Variants in ZNF227 observed in about 807,000 individuals in gnomAD.
The protein encoded by ZNF227 is zinc finger protein 227.
Under a neutral mutation model 13.2 loss-of-function variants are expected in ZNF227, and 12 were observed. The observed-to-expected ratio is 0.91, with a 90% CI of 0.58 to 1.47. The LOEUF (loss-of-function observed/expected upper bound fraction) is 1.47, where lower values mean the gene tolerates loss of function less well. ZNF227 is among the 40% of genes most tolerant of loss of function. The pLI is 0.00. For synonymous variants in ZNF227, 338 were observed against 326.0 expected, an observed-to-expected ratio of 1.04 and a Z score of -0.40; for missense variants, 885 against 967.5, an observed-to-expected ratio of 0.91 and a Z score of 1.13.
chr19:44,226,300 G>C (rs935805729), intron 3 of ZNF227, among the ~76,000 whole-genome samples: 2 of 152,226 alleles, frequency 1.3e-5, no homozygotes, highest in Non-Finnish European at 2.9e-5. Flanking sequence ...CCACTACTCT[G>C]TTCAAAGCTG....
chr19:44,232,664 GTTTT>G (rs1234651990), intron 5 of ZNF227, among the ~76,000 whole-genome samples: 1 of 150,094 alleles, frequency 6.7e-6, no homozygotes, highest in Non-Finnish European at 1.5e-5. Context: ...TAAATTGCTT[GTTTT>G]TTTGTTTTTT....
intron 5 of ZNF227, among the ~76,000 whole-genome samples, chr19:44,231,701 C>A (rs1299718469): frequency 3.3e-5 from 5 of 152,180 alleles, no homozygotes; most frequent in Non-Finnish European, 1.5e-5. Context: ...ATATCACATC[C>A]CTTTTACTCA....
At chr19:44,230,951 A>ATATCTATATCTATATATATATATATC (rs1568610093) in intron 5 of ZNF227, among the ~76,000 whole-genome samples, 12 of 132,710 alleles carry the variant, frequency 9.0e-5, no homozygotes, top group African/African-American at 3.8e-4. Context: ...ATATATATAT[A>ATATCTATATCTATATATATATATATC]TATCTTAGCC....
At chr19:44,220,035 G>GT (rs1972310935) in intron 3 of ZNF227, among the ~76,000 whole-genome samples, 2 of 150,686 alleles carry the variant, frequency 1.3e-5, no homozygotes, top group Non-Finnish European at 3.0e-5. Context: ...GCAGCGTTTG[G>GT]TTTTTTGTCC....
chr19:44,209,659 T>G (rs1337514020), upstream of ZNF227, among the ~76,000 whole-genome samples: 1 of 152,120 alleles, frequency 6.6e-6, no homozygotes, highest in African/African-American at 2.4e-5. Flanking sequence ...CGATCTCGGC[T>G]CACTGCAAGC....
intron 5 of ZNF227, among the ~76,000 whole-genome samples, chr19:44,230,610 C>G (rs181208093): frequency 1.3e-5 from 2 of 152,234 alleles, no homozygotes; most frequent in East Asian, 3.9e-4. Context: ...ACTTACTGCA[C>G]TCAGGTCATT....
At chr19:44,217,572 A>T (rs558990389) in intron 2 of ZNF227, 1 of 705,996 alleles carries the variant, frequency 1.4e-6, no homozygotes, top group South Asian at 1.5e-5. Flanking sequence ...TGCCATCAGA[A>T]ATCCTTGTAG....
chr19:44,211,092 G>A (rs1971342361), upstream of ZNF227, among the ~76,000 whole-genome samples: 1 of 152,060 alleles, frequency 6.6e-6, no homozygotes. Flanking sequence ...CCAGCGACTT[G>A]GGAGGCTGAG....
chr19:44,232,363 T>A (rs1383769580), intron 5 of ZNF227, among the ~76,000 whole-genome samples: 2 of 152,224 alleles, frequency 1.3e-5, no homozygotes, highest in Non-Finnish European at 2.9e-5. Flanking sequence ...TATATCGCTC[T>A]AAGTTTAGGG....
chr19:44,224,242 T>G (rs1972860272), intron 3 of ZNF227, among the ~76,000 whole-genome samples: 1 of 152,222 alleles, frequency 6.6e-6, no homozygotes, highest in South Asian at 2.1e-4. Context: ...AAATGTATAT[T>G]CTGTTGATTT....
At chr19:44,232,664 GTTTTTTTGTTTTT>G (rs1973963323) in intron 5 of ZNF227, among the ~76,000 whole-genome samples, 1 of 150,094 alleles carries the variant, frequency 6.7e-6, no homozygotes. Flanking sequence ...TAAATTGCTT[GTTTTTTTGTTTTT>G]TTTTTTTGTA....
In ZNF227 at chr19:44,230,926, A is replaced by AAAAAAAAAAAAAAAAATATAT. The variant is rs1555792168; in HGVS notation, c.271+1111_271+1112insAAAAAAAAAAAAAAATATATA. 2.8e-4 allele frequency among the ~76,000 whole-genome samples: 19 copies of AAAAAAAAAAAAAAAAATATAT among 68,112 alleles called. No homozygotes were observed. In the Admixed American group the frequency reaches 3.0e-3, roughly 11 times the overall value. 44.7% of individuals were successfully genotyped at this position (68,112 alleles called of 152,430 possible). A position where few individuals can be genotyped will look rare whatever the true frequency, so the allele number is the denominator to read the frequency against. The stretch of plus-strand genomic sequence containing the variant: ...ATCTCTACAAAAAAAAAAAAAAAAA[A>AAAAAAAAAAAAAAAAATATAT]ATATATATATATATATATATATATA... On this transcript the variant is annotated intron_variant, in intron 5 of 5. Transcript: ENST00000313040.
chr19:44,230,922 AAAAAATATATATATAT>A (rs1322347178), intron 5 of ZNF227, among the ~76,000 whole-genome samples: 1 of 107,152 alleles, frequency 9.3e-6, no homozygotes, highest in Non-Finnish European at 1.6e-5. Context: ...AAAAAAAAAA[AAAAAATATATATATAT>A]ATATATATAT....
intron 2 of ZNF227, among the ~76,000 whole-genome samples, chr19:44,216,027 A>G (rs1370682726): frequency 6.6e-6 from 1 of 150,998 alleles, no homozygotes; most frequent in East Asian, 1.9e-4. Context: ...CCTTTAAAAA[A>G]AAAAAAAAAA....
chr19:44,236,698 T>C lies in ZNF227; in HGVS notation c.2268T>C (p.Ser756=), dbSNP rs1218097859. 1 of 1,612,490 alleles carries C rather than the reference T, an allele frequency of 6.2e-7. No individual in the cohort carries two copies. Among genetic ancestry groups the C allele is most frequent in the Non-Finnish European group, 8.5e-7 (1 of 1,179,514 alleles). The change falls in exon 6 of 6, where the codon AGT becomes AGC. Residue 756 remains serine (S), a synonymous_variant. Transcript: ENST00000313040. ...CEECGKGFSQ[S]ARLEAHQRVH... is the part of the protein sequence containing the mutation. ...AGTGTGGTAAAGGCTTCAGTCAGAG[T>C]GCACGTCTTGAAGCCCATCAGAGAG...
rs756995211 is a variant in ZNF227 at position 44,236,520 on chromosome 19, T to C, written c.2090T>C (p.Phe697Ser). ...PYKCEECGKG[F>S]GRSLNLRHHQ... ...AAATGTGAAGAGTGTGGGAAAGGCT[T>C]TGGTAGGAGCTTGAATCTTCGCCAT... Residue 697 changes from phenylalanine to serine, a missense_variant, in exon 6 of 6, where the codon TTT becomes TCT. Transcript: ENST00000313040. 5.6e-6 allele frequency: 9 copies of C among 1,613,726 alleles called. No individual in the cohort carries two copies. Among genetic ancestry groups the C allele is most frequent in the Non-Finnish European group, 7.6e-6 (9 of 1,179,960 alleles).
At chr19:44,220,237 CAT>C (rs1228962001) in intron 3 of ZNF227, among the ~76,000 whole-genome samples, 1 of 152,124 alleles carries the variant, frequency 6.6e-6, no homozygotes, top group Non-Finnish European at 1.5e-5. Context: ...CCAGAATTAA[CAT>C]ATGTGTGCAT....
At chr19:44,233,581 T>C (rs1389976244) in intron 5 of ZNF227, among the ~76,000 whole-genome samples, 1 of 151,708 alleles carries the variant, frequency 6.6e-6, no homozygotes, top group African/African-American at 2.4e-5. Context: ...TCAAGCAGGG[T>C]AATTGAACTG....
At chr19:44,230,476 T>G (rs1399162848) in intron 5 of ZNF227, among the ~76,000 whole-genome samples, 2 of 152,170 alleles carry the variant, frequency 1.3e-5, no homozygotes, top group East Asian at 3.9e-4. Context: ...TTCCCTTTGC[T>G]TAGATCATTT....
Sources: gnomAD v4.1 joint callset for allele counts (sites outside exome capture counted in the v4.1 genomes callset) on GRCh38, gnomAD v4.1.1 for gene constraint, MANE v1.5 for transcripts, NCBI Gene and HGNC (gene_info 2026-07-23, HGNC 2026-07-21) for gene names.